RAB6A: variants seen among roughly 807,000 people sequenced by gnomAD.
RAB6A encodes the protein RAB6A, member RAS oncogene family, also known as ras-related protein Rab-6A.
Under a neutral mutation model 32.3 loss-of-function variants are expected in RAB6A, and 8 were observed. That is an observed-to-expected ratio of 0.25 (90% CI 0.15 to 0.45). The LOEUF is 0.45. RAB6A is among the 20% of genes least tolerant of loss of function. The pLI is 1.00. For synonymous variants in RAB6A, 73 were observed against 82.1 expected (o/e 0.89, Z 0.60); for missense variants, 104 against 249.4 (o/e 0.42, Z 3.93).
intron 6 of RAB6A, among the ~76,000 whole-genome samples, chr11:73,703,517 G>A (rs1240373038): frequency 6.6e-6 from 1 of 152,154 alleles, no homozygotes; most frequent in Non-Finnish European, 1.5e-5. Context: ...TGAGGTGGGC[G>A]TATCACCTAA....
At chr11:73,757,984 AATAAG>A (rs1298334047) in intron 1 of RAB6A, among the ~76,000 whole-genome samples, 1 of 152,240 alleles carries the variant, frequency 6.6e-6, no homozygotes, top group Admixed American at 6.5e-5. Flanking sequence ...ACACATAAAA[AATAAG>A]ATAATTGTAA....
chr11:73,684,165 G>GTTT (rs532757584), intron 6 of RAB6A, among the ~76,000 whole-genome samples: 4 of 79,112 alleles, frequency 5.1e-5, no homozygotes, highest in Non-Finnish European at 8.2e-5. Flanking sequence ...TACATACATT[G>GTTT]TTGTTTTTTT....
At chr11:73,680,999 T>C (rs1945348132) in intron 6 of RAB6A, among the ~76,000 whole-genome samples, 1 of 152,206 alleles carries the variant, frequency 6.6e-6, no homozygotes, top group Admixed American at 6.5e-5. Context: ...ATACACCCAC[T>C]GGGTACAACA....
At chr11:73,685,286 CTTTTT>C (rs750488240) in intron 6 of RAB6A, among the ~76,000 whole-genome samples, 8 of 117,238 alleles carry the variant, frequency 6.8e-5, no homozygotes, top group African/African-American at 6.5e-5. Flanking sequence ...TATAGAAAGT[CTTTTT>C]TTTTTTTTTT....
chr11:73,739,822 C>CCGGG (rs1181298963), intron 1 of RAB6A, among the ~76,000 whole-genome samples: 1 of 151,990 alleles, frequency 6.6e-6, no homozygotes, highest in Non-Finnish European at 1.5e-5. Context: ...TTTGGGAGGC[C>CCGGG]CGGGCGGGCA....
At chr11:73,701,969 C>A (rs1880643) in intron 6 of RAB6A, among the ~76,000 whole-genome samples, 139,272 of 152,224 alleles carry the variant, frequency 0.91, 63,886 homozygotes, top group East Asian at 1. Flanking sequence ...TCTTTACATA[C>A]AAAAAGTCAA....
intron 6 of RAB6A, among the ~76,000 whole-genome samples, chr11:73,698,391 T>C (rs1483641659): frequency 6.6e-6 from 1 of 152,198 alleles, no homozygotes; most frequent in African/African-American, 2.4e-5. Context: ...GTTATAATCT[T>C]AAGCAAGTTA....
At chr11:73,754,280 T>C (rs144550916) in intron 1 of RAB6A, among the ~76,000 whole-genome samples, 171 of 152,344 alleles carry the variant, frequency 1.1e-3, no homozygotes, top group Middle Eastern at 3.4e-3. Flanking sequence ...GGAGATACAA[T>C]TGACTTGATA....
intron 6 of RAB6A, chr11:73,704,064 G>A (rs1219364200): frequency 5.7e-6 from 1 of 174,300 alleles, no homozygotes; most frequent in Non-Finnish European, 1.3e-5. Flanking sequence ...TCAGATTATG[G>A]TAATAGTTGT....
chr11:73,706,848 T>C (rs1945854240), intron 6 of RAB6A, among the ~76,000 whole-genome samples: 2 of 152,104 alleles, frequency 1.3e-5, no homozygotes, highest in African/African-American at 4.8e-5. Context: ...CGGCCGGGCA[T>C]GGTGGCTCAC....
At chr11:73,711,922 A>G (rs1945963717) in intron 5 of RAB6A, among the ~76,000 whole-genome samples, 1 of 152,208 alleles carries the variant, frequency 6.6e-6, no homozygotes, top group African/African-American at 2.4e-5. Flanking sequence ...TACTTTCTCC[A>G]TGAACCGTTC....
At chr11:73,739,280 A>ACATATATATATATAT (rs1389085059) in intron 1 of RAB6A, among the ~76,000 whole-genome samples, 1 of 18,428 alleles carries the variant, frequency 5.4e-5, no homozygotes, top group African/African-American at 1.2e-4. Flanking sequence ...AAAAAAAAAA[A>ACATATATATATATAT]AAAAATATAT....
chr11:73,723,907 A>G (rs1016766067), intron 2 of RAB6A, among the ~76,000 whole-genome samples: 2 of 152,192 alleles, frequency 1.3e-5, no homozygotes, highest in African/African-American at 4.8e-5. Flanking sequence ...TCCTACCCAC[A>G]TATCTATATA....
intron 6 of RAB6A, among the ~76,000 whole-genome samples, chr11:73,696,635 C>T (rs1363087563): frequency 2.0e-5 from 3 of 152,028 alleles, no homozygotes; most frequent in Non-Finnish European, 4.4e-5. Context: ...TCTTTCCTTT[C>T]TTGAGACAAG....
At position 73,714,203 on chromosome 11, in the gene RAB6A, A is replaced by AT. The variant is rs1202329143; in HGVS notation, c.401+2047_401+2048insA. On this transcript the variant is annotated intron_variant, in intron 5 of 7. Coordinates refer to ENST00000336083, the MANE Select transcript of RAB6A (RefSeq NM_198896.2). ...GCAGAACTCCATCTCAAAAAAAAAA[A>AT]AAAAAAATATATATATATATATATA... Among the ~76,000 whole-genome samples, 293 of 62,594 alleles carry AT rather than the reference A, an allele frequency of 4.7e-3. 2 individuals carry two copies. Among genetic ancestry groups the AT allele is most frequent in the African/African-American group, 0.016 (278 of 17,692 alleles). The allele number at this position is 62,594 out of a possible 152,430, so 41.1% of individuals were successfully genotyped here. A position where few individuals can be genotyped will look rare whatever the true frequency, so the allele number is the denominator to read the frequency against.
intron 6 of RAB6A, among the ~76,000 whole-genome samples, chr11:73,698,169 C>T (rs992401428): frequency 5.9e-5 from 9 of 151,832 alleles, no homozygotes; most frequent in African/African-American, 2.2e-4. Context: ...TGCAGTGAGC[C>T]GAGATTGTGC....
intron 5 of RAB6A, among the ~76,000 whole-genome samples, chr11:73,712,281 T>C (rs1352545883): frequency 3.3e-5 from 5 of 152,212 alleles, no homozygotes; most frequent in Non-Finnish European, 7.3e-5. Context: ...TATTACATAG[T>C]TCATTTTCCC....
At chr11:73,682,587 C>T (rs769136777) in intron 6 of RAB6A, among the ~76,000 whole-genome samples, 3 of 152,198 alleles carry the variant, frequency 2.0e-5, no homozygotes, top group Middle Eastern at 3.4e-3. Flanking sequence ...TGCTTGAACC[C>T]GGGAGGTGGA....
chr11:73,681,264 TACAA>T (rs1253503438), intron 6 of RAB6A, among the ~76,000 whole-genome samples: 2 of 152,188 alleles, frequency 1.3e-5, no homozygotes, highest in South Asian at 2.1e-4. Context: ...AATGTGATGC[TACAA>T]ACAAAGTAAG....
Sources: gnomAD v4.1 joint callset for allele counts (sites outside exome capture counted in the v4.1 genomes callset) on GRCh38, gnomAD v4.1.1 for gene constraint, MANE v1.5 for transcripts, NCBI Gene and HGNC (gene_info 2026-07-23, HGNC 2026-07-21) for gene names.